Variants in DPH5 observed in about 807,000 individuals in gnomAD.
The protein encoded by DPH5 is diphthamide biosynthesis 5, also known as diphthine methyl ester synthase.
In DPH5, 31 loss-of-function variants were observed where a neutral mutation model predicts 31.6. The observed-to-expected ratio is 0.98, with a 90% CI of 0.74 to 1.32. The LOEUF is 1.32. Among genes scored for constraint, DPH5 ranks in the 40% most tolerant of loss-of-function variants. The pLI is 0.00. For missense variants in DPH5, 309 were observed against 335.7 expected (o/e 0.92, Z 0.62); for synonymous variants, 120 against 115.0 (o/e 1.04, Z -0.28).
chr1:101,022,449 T>A (rs907290752), intron 2 of DPH5, among the ~76,000 whole-genome samples: 6 of 152,164 alleles, frequency 3.9e-5, no homozygotes, highest in Admixed American at 3.9e-4. Flanking sequence ...AGAGAACAAA[T>A]CCAGTAGAGA....
At chr1:101,005,679 G>A (rs1230978477) in intron 4 of DPH5, among the ~76,000 whole-genome samples, 4 of 152,182 alleles carry the variant, frequency 2.6e-5, no homozygotes, top group Non-Finnish European at 5.9e-5. Flanking sequence ...AAGGCAGGGG[G>A]TTGGGGGAAA....
chr1:101,001,615 G>A (rs1318815771), intron 4 of DPH5, 28 bp from the exon 5 acceptor site: 2 of 1,467,650 alleles, frequency 1.4e-6, no homozygotes, highest in South Asian at 2.4e-5. Context: ...AATTAATGAT[G>A]GAACAATTAA....
chr1:101,014,446 G>A (rs761757439), intron 3 of DPH5, among the ~76,000 whole-genome samples: 1 of 152,176 alleles, frequency 6.6e-6, no homozygotes, highest in Non-Finnish European at 1.5e-5. Context: ...ACAGCATTAT[G>A]TCGAGAAAAT....
intron 3 of DPH5, among the ~76,000 whole-genome samples, chr1:101,017,531 T>G (rs544855481): frequency 2.0e-5 from 3 of 152,322 alleles, no homozygotes; most frequent in African/African-American, 7.2e-5. Flanking sequence ...ATGTAACCGC[T>G]TATCAATTTA....
intron 7 of DPH5, among the ~76,000 whole-genome samples, chr1:100,992,064 C>T (rs1274515529): frequency 6.6e-6 from 1 of 151,310 alleles, no homozygotes; most frequent in Admixed American, 6.6e-5. Context: ...TGCCTCTGCA[C>T]TCCAGCCTGC....
chr1:101,017,670 A>C (rs746954724), intron 3 of DPH5, among the ~76,000 whole-genome samples: 1 of 152,246 alleles, frequency 6.6e-6, no homozygotes, highest in Non-Finnish European at 1.5e-5. Context: ...ATGCATACCA[A>C]GTAGGAAGAT....
chr1:101,009,973 G>T (rs772695602), intron 4 of DPH5, among the ~76,000 whole-genome samples: 3 of 152,114 alleles, frequency 2.0e-5, no homozygotes, highest in Non-Finnish European at 4.4e-5. Context: ...AATCTCAAAT[G>T]TCACCTTCTT....
intron 4 of DPH5, among the ~76,000 whole-genome samples, chr1:101,012,097 C>G (rs887811852): frequency 2.6e-5 from 4 of 151,784 alleles, no homozygotes; most frequent in Non-Finnish European, 5.9e-5. Flanking sequence ...GACGGGGTTT[C>G]ACCATGTTGG....
chr1:100,997,379 C>G (rs1658448663), intron 5 of DPH5, among the ~76,000 whole-genome samples: 1 of 148,690 alleles, frequency 6.7e-6, no homozygotes, highest in South Asian at 2.1e-4. Flanking sequence ...TTTTTTTTTG[C>G]TTTTGAGAAG....
chr1:101,006,550 C>T (rs752191920), intron 4 of DPH5, among the ~76,000 whole-genome samples: 5 of 152,048 alleles, frequency 3.3e-5, no homozygotes, highest in Non-Finnish European at 7.4e-5. Flanking sequence ...GGATATAGAA[C>T]TCTAGATGAT....
intron 3 of DPH5, 71 bp downstream of exon 3, chr1:101,021,570 C>A: frequency 1.3e-6 from 2 of 1,491,202 alleles, no homozygotes; most frequent in South Asian, 1.3e-5. Context: ...GTGTTAAATG[C>A]AATAGAATAA....
chr1:100,995,981 G>C (rs938369259), intron 5 of DPH5: 4 of 152,184 alleles, frequency 2.6e-5, no homozygotes, highest in African/African-American at 9.7e-5. Context: ...GATTTCCTAA[G>C]TGATTATAGA....
At position 101,021,780 on chromosome 1, in the gene DPH5, C is replaced by A; in HGVS notation, c.136-15G>T. ...TAAAACTCTTCCTACAGATATAAGT[C>A]CAATATCAAGATAAAGAGACAGCAG... On this transcript the variant is annotated splice_polypyrimidine_tract_variant and intron_variant, in intron 2 of 7. Coordinates refer to ENST00000370109, the MANE Select transcript of DPH5 (RefSeq NM_015958.3). 6.3e-7 allele frequency: 1 copy of A among 1,588,694 alleles called. No homozygotes were observed. Among genetic ancestry groups the A allele is most frequent in the Non-Finnish European group, 8.6e-7 (1 of 1,165,224 alleles).
At position 100,990,365 on chromosome 1, in the gene DPH5, T is replaced by C; in HGVS notation, c.*43A>G. 6.4e-7 allele frequency: 1 copy of C among 1,565,172 alleles called. No individual in the cohort carries two copies. Among genetic ancestry groups the C allele is most frequent in the Non-Finnish European group, 8.8e-7 (1 of 1,137,110 alleles). On this transcript the variant is annotated 3_prime_UTR_variant, in exon 8 of 8. Transcript: ENST00000370109. ...GATACATCCAAACCATATCAATCCA[T>C]ATATGGCTGAAATTTACATCAGACA...
At chr1:101,000,765 G>GA (rs1274388676) in intron 5 of DPH5, among the ~76,000 whole-genome samples, 1 of 152,182 alleles carries the variant, frequency 6.6e-6, no homozygotes, top group Admixed American at 6.5e-5. Flanking sequence ...TAGCAAATGT[G>GA]AATCGGTAAA....
At chr1:101,013,259 A>C (rs559392114) in intron 4 of DPH5, among the ~76,000 whole-genome samples, 2 of 152,324 alleles carry the variant, frequency 1.3e-5, no homozygotes, top group South Asian at 4.1e-4. Context: ...TGGACACAAA[A>C]ATAACTAACT....
At chr1:101,022,929 T>G (rs1660564681) in intron 2 of DPH5, 1 of 151,780 alleles carries the variant, frequency 6.6e-6, no homozygotes, top group Admixed American at 6.6e-5. Flanking sequence ...GCGCAGTGGC[T>G]CTCACCTGTA....
chr1:101,016,262 G>C (rs1660068482), intron 3 of DPH5, among the ~76,000 whole-genome samples: 1 of 152,090 alleles, frequency 6.6e-6, no homozygotes, highest in South Asian at 2.1e-4. Flanking sequence ...GGTGAGGCAG[G>C]AGAATGGCGT....
intron 2 of DPH5, among the ~76,000 whole-genome samples, chr1:101,024,179 T>C (rs1570715529): frequency 6.6e-6 from 1 of 152,094 alleles, no homozygotes; most frequent in Admixed American, 6.5e-5. Flanking sequence ...GAGGCCGAGG[T>C]GGGCAGATCA....
Sources: gnomAD v4.1 joint callset for allele counts (sites outside exome capture counted in the v4.1 genomes callset) on GRCh38, gnomAD v4.1.1 for gene constraint, MANE v1.5 for transcripts, NCBI Gene and HGNC (gene_info 2026-07-23, HGNC 2026-07-21) for gene names.